Variants in ARHGAP31 observed in about 807,000 individuals in gnomAD.
The protein encoded by ARHGAP31 is Rho GTPase activating protein 31, also known as rho GTPase-activating protein 31.
ARHGAP31 carries 34 observed loss-of-function variants against 113.9 expected under a neutral mutation model. The ratio of observed to expected loss-of-function variants is 0.30; its 90% CI spans 0.23 to 0.40. ARHGAP31 has a LOEUF of 0.40. ARHGAP31 is among the 10% of genes least tolerant of loss of function. The pLI is 1.00. For synonymous variants in ARHGAP31, 650 were observed against 684.8 expected (o/e 0.95, Z 0.79); for missense variants, 1,548 against 1,767.1 (o/e 0.88, Z 2.22).
intron 1 of ARHGAP31, among the ~76,000 whole-genome samples, chr3:119,335,729 C>T (rs59257245): frequency 0.088 from 13,371 of 152,256 alleles, 770 homozygotes; most frequent in Non-Finnish European, 0.12. Flanking sequence ...GTCTCCACAG[C>T]TGTCAGGAGT....
At chr3:119,385,703 A>G (rs2080443748) in intron 6 of ARHGAP31, among the ~76,000 whole-genome samples, 1 of 152,228 alleles carries the variant, frequency 6.6e-6, no homozygotes, top group Non-Finnish European at 1.5e-5. Flanking sequence ...GTTGTTATCA[A>G]CCTTATTTTA....
chr3:119,409,355 G>A, intron 10 of ARHGAP31, 141 bp from the exon 11 acceptor site: 1 of 981,822 alleles, frequency 1.0e-6, no homozygotes, highest in East Asian at 2.6e-5. Context: ...GGATAAAAGA[G>A]TAAATGCAAG....
At chr3:119,391,029 G>A in intron 7 of ARHGAP31, 46 bp downstream of exon 7, 2 of 1,588,992 alleles carry the variant, frequency 1.3e-6, no homozygotes. Context: ...TGTGGTTGAA[G>A]AGGAAAGAGG....
intron 9 of ARHGAP31, among the ~76,000 whole-genome samples, chr3:119,401,406 C>A (rs1318801940): frequency 6.6e-6 from 1 of 152,154 alleles, no homozygotes; most frequent in East Asian, 1.9e-4. Flanking sequence ...AGACAAGATT[C>A]TGTTTATTTT....
chr3:119,305,694 C>T (rs2079626112), intron 1 of ARHGAP31, among the ~76,000 whole-genome samples: 2 of 152,304 alleles, frequency 1.3e-5, no homozygotes, highest in South Asian at 4.1e-4. Flanking sequence ...CTTTGTTTGG[C>T]TAATAGCTAG....
intron 10 of ARHGAP31, among the ~76,000 whole-genome samples, chr3:119,408,291 A>G (rs919430865): frequency 1.3e-5 from 2 of 152,352 alleles, no homozygotes; most frequent in Middle Eastern, 3.4e-3. Context: ...GATAAAACTG[A>G]ATTTCAGGAA....
At chr3:119,406,250 T>A (rs2080659804) in intron 10 of ARHGAP31, among the ~76,000 whole-genome samples, 1 of 151,886 alleles carries the variant, frequency 6.6e-6, no homozygotes, top group African/African-American at 2.4e-5. Context: ...CAAACAGGAG[T>A]CCATATTAAT....
chr3:119,406,900 T>G (rs1454789431), intron 10 of ARHGAP31, among the ~76,000 whole-genome samples: 1 of 152,204 alleles, frequency 6.6e-6, no homozygotes, highest in Non-Finnish European at 1.5e-5. Context: ...AAAATGGGAA[T>G]GAACTCAACA....
intron 1 of ARHGAP31, among the ~76,000 whole-genome samples, chr3:119,353,838 A>G (rs144830362): frequency 3.8e-4 from 57 of 150,684 alleles, no homozygotes; most frequent in African/African-American, 1.4e-3. Flanking sequence ...ACTGCATACT[A>G]GTTTCACAAT....
chr3:119,328,580 C>G (rs999710184), intron 1 of ARHGAP31, among the ~76,000 whole-genome samples: 2 of 152,154 alleles, frequency 1.3e-5, no homozygotes, highest in Non-Finnish European at 2.9e-5. Flanking sequence ...TATTGTATCC[C>G]TTTTCCTCCC....
rs536393645 is a variant in ARHGAP31, at chr3:119,321,877, T to G, written c.100+26873T>G. Among the ~76,000 whole-genome samples the G allele has an allele frequency of 2.0e-5, 3 of 152,356 alleles. No homozygotes were observed. In the South Asian group the frequency reaches 6.2e-4, roughly 32 times the overall value. ...CATGTTGGCCAGGCTGGTCTTGAAC[T>G]TCTGACCTCGGGTGATCTGCCCGCC... On this transcript the variant is annotated intron_variant, in intron 1 of 11. Coordinates refer to ENST00000264245, the MANE Select transcript of ARHGAP31 (RefSeq NM_020754.4).
intron 1 of ARHGAP31, among the ~76,000 whole-genome samples, chr3:119,354,690 T>A (rs1207796693): frequency 6.7e-6 from 1 of 150,166 alleles, no homozygotes; most frequent in Non-Finnish European, 1.5e-5. Context: ...TTTTTTTTTT[T>A]TTTTTTTTGT....
In ARHGAP31 at chr3:119,393,457, G is replaced by A. The variant is rs1350822990; in HGVS notation, c.882-10G>A. On this transcript the variant is annotated splice_polypyrimidine_tract_variant and intron_variant, in intron 7 of 11. Coordinates refer to ENST00000264245, the MANE Select transcript of ARHGAP31 (RefSeq NM_020754.4). ...TAACAAACTAACCCCTTATGCCTTGGTTCTTTTAGGCGAAAGCTCTCCAGT... is the reference window on the plus strand; with the variant it reads ...TAACAAACTAACCCCTTATGCCTTGATTCTTTTAGGCGAAAGCTCTCCAGT... 5.0e-6 allele frequency: 8 copies of A among 1,614,030 alleles called. No homozygotes were observed. Among genetic ancestry groups the A allele is most frequent in the Non-Finnish European group, 6.8e-6 (8 of 1,179,956 alleles).
At chr3:119,383,061 A>C (rs2080415908) in intron 5 of ARHGAP31, 23 bp from the exon 6 acceptor site, 1 of 1,613,838 alleles carries the variant, frequency 6.2e-7, no homozygotes, top group South Asian at 1.1e-5. Context: ...TCACTAACTG[A>C]ATATGTTTCT....
chr3:119,322,899 C>G (rs556300600), intron 1 of ARHGAP31: 1 of 153,762 alleles, frequency 6.5e-6, no homozygotes, highest in Admixed American at 6.5e-5. Flanking sequence ...GTGCCCTCTG[C>G]TGGGCTCCTT....
Position 119,294,817 on chromosome 3 carries a change from C to A in ARHGAP31, c.-88C>A. On this transcript the variant is annotated 5_prime_UTR_variant, in exon 1 of 12. Coordinates refer to ENST00000264245, the MANE Select transcript of ARHGAP31 (RefSeq NM_020754.4). ...GCGGCCCCCCAGAGCCGCGGGGCAG[C>A]CGGTGATCTAGCCCGGGAGCCCATC... 1 of 1,264,402 alleles carries A rather than the reference C, an allele frequency of 7.9e-7. No individual in the cohort carries two copies. 78.3% of individuals were successfully genotyped at this position (1,264,402 alleles called of 1,614,324 possible).
intron 4 of ARHGAP31, among the ~76,000 whole-genome samples, chr3:119,381,441 C>T (rs998169537): frequency 6.6e-6 from 1 of 152,150 alleles, no homozygotes; most frequent in Admixed American, 6.5e-5. Flanking sequence ...CAGTTTAGCC[C>T]CTAATGTTGC....
intron 1 of ARHGAP31, among the ~76,000 whole-genome samples, chr3:119,301,035 G>A (rs1274621599): frequency 6.6e-6 from 1 of 152,108 alleles, no homozygotes; most frequent in African/African-American, 2.4e-5. Flanking sequence ...AGGAGAATTA[G>A]GCTTTAAACG....
rs76616804 is a variant in ARHGAP31, at chr3:119,417,956, G to T, written c.*1692G>T. 0.023 allele frequency: 3,567 copies of T among 152,250 alleles called. 50 individuals carry two copies. Among genetic ancestry groups the T allele is most frequent in the Non-Finnish European group, 0.033 (2,254 of 68,070 alleles). 9.4% of individuals were successfully genotyped at this position (152,250 alleles called of 1,614,324 possible). On this transcript the variant is annotated 3_prime_UTR_variant, in exon 12 of 12. Transcript: ENST00000264245. ...AAGGCTGGTTCTGGGCTTAGTGGGG[G>T]CTGAGATGAAGTTACCTCCTCCAAT...
Sources: allele counts gnomAD v4.1 joint callset (sites outside exome capture counted in the v4.1 genomes callset), GRCh38; gene constraint gnomAD v4.1.1; transcripts MANE v1.5; gene names NCBI Gene and HGNC (gene_info 2026-07-23, HGNC 2026-07-21).